The following MAP4K5 variants were observed in gnomAD, a reference collection of about 807,000 sequenced individuals.
MAP4K5 encodes mitogen-activated protein kinase kinase kinase kinase 5.
In MAP4K5, 82 loss-of-function variants were observed where a neutral mutation model predicts 135.6. The observed-to-expected ratio is 0.60, with a 90% CI of 0.51 to 0.73. MAP4K5 has a LOEUF of 0.73. Among genes scored for constraint, MAP4K5 ranks in the 30% least tolerant of loss-of-function variants. The pLI is 0.00. For synonymous variants in MAP4K5, 347 were observed against 335.0 expected, an observed-to-expected ratio of 1.04 and a Z score of -0.39; for missense variants, 907 against 1,010.9, an observed-to-expected ratio of 0.90 and a Z score of 1.39.
chr14:50,494,297 T>C (rs953262380), intron 3 of MAP4K5, among the ~76,000 whole-genome samples: 1 of 151,856 alleles, frequency 6.6e-6, no homozygotes, highest in South Asian at 2.1e-4. Flanking sequence ...GCCTCCCGAG[T>C]AGCTGGGACT....
intron 14 of MAP4K5, among the ~76,000 whole-genome samples, chr14:50,455,522 G>T (rs2139775882): frequency 6.6e-6 from 1 of 152,088 alleles, no homozygotes; most frequent in East Asian, 1.9e-4. Flanking sequence ...CACTAACAAA[G>T]ACACTAAATC....
At chr14:50,546,148 G>A (rs2038628652) in intron 1 of MAP4K5, among the ~76,000 whole-genome samples, 1 of 152,156 alleles carries the variant, frequency 6.6e-6, no homozygotes, top group Non-Finnish European at 1.5e-5. Flanking sequence ...AAAAAAGAGG[G>A]TAAAAGAAGT....
chr14:50,512,715 C>G (rs190164237), intron 2 of MAP4K5, among the ~76,000 whole-genome samples: 60 of 152,228 alleles, frequency 3.9e-4, no homozygotes, highest in Non-Finnish European at 6.0e-4. Context: ...ATCTTCTAAA[C>G]AGAGACCTTA....
At position 50,424,263 on chromosome 14, in the gene MAP4K5, C is replaced by T. The variant is rs367872262; in HGVS notation, c.2398-1087G>A. Among the ~76,000 whole-genome samples, 9 of 151,722 alleles carry T rather than the reference C, an allele frequency of 5.9e-5. No individual in the cohort carries two copies. In the East Asian group the frequency reaches 1.7e-3, roughly 29 times the overall value. ...ATCAGAAAATAAATTAGGTGTTATA[C>T]TAGTTGGAGCTGATTTTTCAGAGTA... On this transcript the variant is annotated intron_variant, in intron 31 of 32. Coordinates refer to ENST00000682126, the MANE Select transcript of MAP4K5 (RefSeq NM_006575.6).
chr14:50,474,560 A>C (rs1030416005), intron 9 of MAP4K5, among the ~76,000 whole-genome samples: 1 of 144,478 alleles, frequency 6.9e-6, no homozygotes, highest in Non-Finnish European at 1.6e-5. Context: ...AGTGGAATGC[A>C]CTAAGAGTGG....
Position 50,466,619 on chromosome 14 carries a change from T to C in MAP4K5, c.701A>G (p.Asn234Ser), listed in dbSNP as rs770122547. Reference protein sequence around the residue: ...MRALFLMSKSNFQPPKLKDKT... With the variant: ...MRALFLMSKSSFQPPKLKDKT... ...GTCCTTTAGTTTTGGAGGCTGAAAA[T>C]TACTTTTTGACATTAAGAAGAGAGC... Residue 234 changes from asparagine (N) to serine (S), a missense_variant, in exon 11 of 33, where the codon AAT becomes AGT. Asn to Ser is a conservative substitution (Grantham distance 46). This residue lies in a region of MAP4K5 where 690 missense variants were observed against 777.4 expected (regional missense o/e 0.89). Coordinates refer to ENST00000682126, the MANE Select transcript of MAP4K5 (RefSeq NM_006575.6). 1.4e-6 allele frequency: 2 copies of C among 1,461,778 alleles called. No homozygotes were observed. The highest frequency in any genetic ancestry group is 2.5e-5 in the East Asian group (1 of 40,326). 90.6% of individuals were successfully genotyped at this position (1,461,778 alleles called of 1,614,324 possible).
chr14:50,499,861 C>T (rs888182231), intron 3 of MAP4K5, among the ~76,000 whole-genome samples: 1 of 152,068 alleles, frequency 6.6e-6, no homozygotes, highest in African/African-American at 2.4e-5. Context: ...GTTGAGATTA[C>T]TAATTTTGAA....
chr14:50,525,633 C>T (rs931166348), intron 2 of MAP4K5, among the ~76,000 whole-genome samples: 1 of 152,056 alleles, frequency 6.6e-6, no homozygotes. Flanking sequence ...CCTCCGAGTT[C>T]AAGACCAGCC....
intron 1 of MAP4K5, chr14:50,560,002 A>ACGGTC: frequency 3.7e-6 from 2 of 547,622 alleles, no homozygotes; most frequent in Non-Finnish European, 6.6e-6. Flanking sequence ...CACTGTCTTC[A>ACGGTC]CGGTCTGGGG....
intron 11 of MAP4K5, among the ~76,000 whole-genome samples, chr14:50,464,335 T>C (rs2036783326): frequency 6.6e-6 from 1 of 152,168 alleles, no homozygotes; most frequent in Non-Finnish European, 1.5e-5. Flanking sequence ...AGAACAGTAA[T>C]ATACAACCAC....
At chr14:50,464,793 C>A (rs1361423569) in intron 11 of MAP4K5, among the ~76,000 whole-genome samples, 5 of 152,208 alleles carry the variant, frequency 3.3e-5, no homozygotes, top group Admixed American at 6.5e-5. Context: ...AACCACCACA[C>A]AGCAGTTCTC....
Position 50,532,548 on chromosome 14 carries a change from C to T in MAP4K5, c.-210G>A, listed in dbSNP as rs1276537916. 6.6e-6 allele frequency: 1 copy of T among 151,634 alleles called. No homozygotes were observed. Among genetic ancestry groups the T allele is most frequent in the Admixed American group, 6.6e-5 (1 of 15,178 alleles). 9.4% of individuals were successfully genotyped at this position (151,634 alleles called of 1,614,324 possible). A position where few individuals can be genotyped will look rare whatever the true frequency, so the allele number is the denominator to read the frequency against. On this transcript the variant is annotated 5_prime_UTR_variant, in exon 1 of 33. Transcript: ENST00000682126. ...TCAGCCGCTGCACGGCGCGTCCTCT[C>T]GGGGGCGGCGGAGGCGCGTACAGTC... is the stretch of plus-strand genomic sequence containing the variant.
intron 15 of MAP4K5, among the ~76,000 whole-genome samples, chr14:50,447,953 T>A (rs961130035): frequency 6.6e-6 from 1 of 152,188 alleles, no homozygotes; most frequent in Admixed American, 6.5e-5. Context: ...ATGAACTCAA[T>A]AGGCTAGGTT....
chr14:50,470,985 G>A (rs970344267), intron 9 of MAP4K5, among the ~76,000 whole-genome samples: 5 of 151,904 alleles, frequency 3.3e-5, no homozygotes, highest in South Asian at 2.1e-4. Context: ...CTTCAAAATC[G>A]TTCTACCAAT....
At chr14:50,509,042 T>C (rs1300876896) in intron 2 of MAP4K5, among the ~76,000 whole-genome samples, 2 of 152,064 alleles carry the variant, frequency 1.3e-5, no homozygotes, top group African/African-American at 4.8e-5. Context: ...CATCGAATAC[T>C]ATGCAGCCAT....
At chr14:50,479,595 C>T (rs2037192110) in intron 6 of MAP4K5, among the ~76,000 whole-genome samples, 1 of 152,110 alleles carries the variant, frequency 6.6e-6, no homozygotes, top group South Asian at 2.1e-4. Context: ...CATATCTCAA[C>T]TTGTTAAGCA....
At chr14:50,484,115 T>C (rs1595498712) in intron 5 of MAP4K5, among the ~76,000 whole-genome samples, 1 of 152,072 alleles carries the variant, frequency 6.6e-6, no homozygotes, top group East Asian at 1.9e-4. Flanking sequence ...AGTGCTGGAA[T>C]TACAGGCATG....
chr14:50,512,934 T>C (rs1000753220), intron 2 of MAP4K5, among the ~76,000 whole-genome samples: 8 of 152,044 alleles, frequency 5.3e-5, no homozygotes, highest in African/African-American at 1.7e-4. Flanking sequence ...CTAACTGGAG[T>C]ACAACGGCAA....
At chr14:50,524,797 C>T (rs2038227105) in intron 2 of MAP4K5, among the ~76,000 whole-genome samples, 1 of 152,114 alleles carries the variant, frequency 6.6e-6, no homozygotes, top group African/African-American at 2.4e-5. Context: ...GAATATTATT[C>T]TAAGACTTTA....
Sources: allele counts gnomAD v4.1 joint callset (sites outside exome capture counted in the v4.1 genomes callset), GRCh38; gene constraint gnomAD v4.1.1; regional missense constraint gnomAD v4.1.1; transcripts MANE v1.5; gene names NCBI Gene and HGNC (gene_info 2026-07-23, HGNC 2026-07-21).